Variants in SLC35F1 observed in about 807,000 individuals in gnomAD.
SLC35F1 encodes chromosome 6 open reading frame 169.
SLC35F1 carries 14 observed loss-of-function variants against 48.7 expected under a neutral mutation model. That is an observed-to-expected ratio of 0.29 (90% CI 0.19 to 0.45). The LOEUF is 0.45. Ranked by LOEUF, SLC35F1 falls within the 20% of genes least tolerant of loss-of-function variation. The pLI, the probability that SLC35F1 is intolerant of heterozygous loss-of-function variation, is 1.00. For missense variants in SLC35F1, 404 were observed against 500.0 expected (o/e 0.81, Z 1.83); for synonymous variants, 190 against 202.2 (o/e 0.94, Z 0.51).
At chr6:117,984,579 T>C (rs1478577446) in intron 1 of SLC35F1, among the ~76,000 whole-genome samples, 3 of 152,082 alleles carry the variant, frequency 2.0e-5, no homozygotes, top group African/African-American at 7.2e-5. Flanking sequence ...AAGTTAAGTG[T>C]TACTGGATCC....
intron 1 of SLC35F1, among the ~76,000 whole-genome samples, chr6:118,060,586 G>T (rs1211904331): frequency 6.6e-6 from 1 of 152,022 alleles, no homozygotes; most frequent in Non-Finnish European, 1.5e-5. Context: ...CAAATATTAG[G>T]TTCACTTGAT....
chr6:118,203,890 T>C (rs996477055), intron 2 of SLC35F1, among the ~76,000 whole-genome samples: 4 of 152,190 alleles, frequency 2.6e-5, no homozygotes, highest in African/African-American at 9.7e-5. Flanking sequence ...CAGTGCAATG[T>C]CTAGACAGTA....
intron 4 of SLC35F1, among the ~76,000 whole-genome samples, chr6:118,270,078 A>G (rs1436248344): frequency 6.6e-6 from 1 of 152,224 alleles, no homozygotes; most frequent in African/African-American, 2.4e-5. Context: ...AATTTTGCAC[A>G]GGAAAAGAGA....
intron 1 of SLC35F1, among the ~76,000 whole-genome samples, chr6:117,966,433 CAGGAGG>C (rs1284663318): frequency 6.6e-6 from 1 of 151,924 alleles, no homozygotes; most frequent in Non-Finnish European, 1.5e-5. Context: ...ACCAACCCAC[CAGGAGG>C]AGGAATGAAC....
At chr6:118,258,706 G>T (rs1775675493) in intron 3 of SLC35F1, among the ~76,000 whole-genome samples, 1 of 151,914 alleles carries the variant, frequency 6.6e-6, no homozygotes, top group African/African-American at 2.4e-5. Context: ...TGGTAGTATG[G>T]TATATAACAT....
chr6:117,923,583 GTATATATA>G (rs1775932976), intron 1 of SLC35F1, among the ~76,000 whole-genome samples: 1 of 49,356 alleles, frequency 2.0e-5, no homozygotes, highest in Non-Finnish European at 4.3e-5. Flanking sequence ...ATATGTGTGT[GTATATATA>G]CATATGTGTA....
intron 1 of SLC35F1, among the ~76,000 whole-genome samples, chr6:118,006,012 C>T (rs1176503518): frequency 1.3e-5 from 2 of 152,046 alleles, no homozygotes; most frequent in African/African-American, 4.8e-5. Context: ...TATAATTTTA[C>T]AATTATAATT....
chr6:118,260,518 G>A (rs1385405797), intron 3 of SLC35F1, among the ~76,000 whole-genome samples: 3 of 152,106 alleles, frequency 2.0e-5, no homozygotes, highest in African/African-American at 7.2e-5. Context: ...TCCCTGGAGT[G>A]CAGGGACAGT....
chr6:118,057,279 A>C (rs1195900171), intron 1 of SLC35F1, among the ~76,000 whole-genome samples: 1 of 152,158 alleles, frequency 6.6e-6, no homozygotes, highest in Non-Finnish European at 1.5e-5. Context: ...AAAGGCTTTG[A>C]TATAGGCTTT....
intron 2 of SLC35F1, among the ~76,000 whole-genome samples, chr6:118,182,689 T>A (rs1774600317): frequency 6.6e-6 from 1 of 152,122 alleles, no homozygotes; most frequent in Non-Finnish European, 1.5e-5. Context: ...GCCAACATGA[T>A]GAGACCTCAT....
chr6:117,928,232 T>C (rs1367362585), intron 1 of SLC35F1, among the ~76,000 whole-genome samples: 2 of 152,124 alleles, frequency 1.3e-5, no homozygotes, highest in African/African-American at 2.4e-5. Flanking sequence ...AGAACTGCCA[T>C]TCACAGAGTC....
chr6:118,238,036 C>T (rs1562335446), intron 3 of SLC35F1, among the ~76,000 whole-genome samples: 2 of 152,154 alleles, frequency 1.3e-5, no homozygotes, highest in African/African-American at 4.8e-5. Flanking sequence ...TCCCCTCTTC[C>T]TTTCTCATCT....
Position 118,154,571 on chromosome 6 carries a change from T to C in SLC35F1, c.300T>C (p.Asn100=), listed in dbSNP as rs1774111669. The change falls in exon 2 of 8, where the codon AAT becomes AAC. Residue 100 remains asparagine, a synonymous_variant. Transcript: ENST00000360388. ...CACCAGTCTTCCAGAGTTTCCTCAA[T>C]TACATTCTTCTCTTCTTGGTCTATA... The part of the protein sequence containing the change: ...ANTPVFQSFL[N]YILLFLVYTT... 3 of 1,614,042 alleles carry C rather than the reference T, an allele frequency of 1.9e-6. No homozygotes were observed. Among genetic ancestry groups the C allele is most frequent in the Non-Finnish European group, 2.5e-6 (3 of 1,179,954 alleles).
intron 1 of SLC35F1, among the ~76,000 whole-genome samples, chr6:117,976,148 A>G (rs1022610469): frequency 2.0e-5 from 3 of 152,200 alleles, no homozygotes; most frequent in African/African-American, 7.2e-5. Context: ...AGTGAGCACA[A>G]TTCTTTGTCT....
chr6:118,137,515 A>G (rs914103257), intron 1 of SLC35F1, among the ~76,000 whole-genome samples: 1 of 152,110 alleles, frequency 6.6e-6, no homozygotes, highest in Non-Finnish European at 1.5e-5. Context: ...CTCCCATCCC[A>G]GTCCTTCCAT....
intron 1 of SLC35F1, among the ~76,000 whole-genome samples, chr6:117,910,476 T>C (rs1775747655): frequency 6.6e-6 from 1 of 152,246 alleles, no homozygotes; most frequent in African/African-American, 2.4e-5. Context: ...CATTGCCCTG[T>C]CCACTCATTG....
Position 118,315,642 on chromosome 6 carries a change from T to G in SLC35F1, c.*1390T>G, listed in dbSNP as rs972836552. The G allele has an allele frequency of 1.3e-5, 2 of 152,050 alleles. No homozygotes were observed. The highest frequency in any genetic ancestry group is 4.1e-4 in the South Asian group (2 of 4,824). 9.4% of individuals were successfully genotyped at this position (152,050 alleles called of 1,614,324 possible). A position where few individuals can be genotyped will look rare whatever the true frequency, so the allele number is the denominator to read the frequency against. On this transcript the variant is annotated 3_prime_UTR_variant, in exon 8 of 8. Coordinates refer to ENST00000360388, the MANE Select transcript of SLC35F1 (RefSeq NM_001029858.4). ...TTTTAGTAGAGATGGGGTTTCACCG[T>G]GTTAGCCAGGATGGTCTCGATCTCC...
intron 1 of SLC35F1, among the ~76,000 whole-genome samples, chr6:118,138,140 C>T (rs1369991687): frequency 6.6e-6 from 1 of 151,832 alleles, no homozygotes; most frequent in Non-Finnish European, 1.5e-5. Flanking sequence ...AAGATCCTGT[C>T]TCTACAAAAA....
chr6:118,131,194 C>T (rs17079741), intron 1 of SLC35F1, among the ~76,000 whole-genome samples: 12,587 of 151,902 alleles, frequency 0.083, 713 homozygotes, highest in South Asian at 0.27. Context: ...TCTATTCAAA[C>T]GTAAGAATTT....
Sources: allele counts gnomAD v4.1 joint callset (sites outside exome capture counted in the v4.1 genomes callset), GRCh38; gene constraint gnomAD v4.1.1; transcripts MANE v1.5; gene names NCBI Gene and HGNC (gene_info 2026-07-23, HGNC 2026-07-21).